Variants in SPIDR observed in about 807,000 individuals in gnomAD.
The protein encoded by SPIDR is DNA repair-scaffolding protein.
Under a neutral mutation model 104.6 loss-of-function variants are expected in SPIDR, and 93 were observed. The observed-to-expected ratio is 0.89, with a 90% CI of 0.75 to 1.06. The LOEUF (loss-of-function observed/expected upper bound fraction) is 1.06. SPIDR is among the 50% of genes least tolerant of loss of function. The probability of loss-of-function intolerance (pLI) is 0.00; values close to 1 mark genes in which losing one functional copy is unlikely to be tolerated. For missense variants in SPIDR, 1,154 were observed against 1,111.2 expected (o/e 1.04, Z -0.55); for synonymous variants, 431 against 416.9 (o/e 1.03, Z -0.41).
At chr8:47,515,887 T>G (rs1239264919) in intron 8 of SPIDR, among the ~76,000 whole-genome samples, 1 of 152,210 alleles carries the variant, frequency 6.6e-6, no homozygotes, top group Non-Finnish European at 1.5e-5. Flanking sequence ...CTTGGCTCAC[T>G]GCAACCTCCA....
intron 10 of SPIDR, among the ~76,000 whole-genome samples, chr8:47,629,384 T>A (rs947947356): frequency 6.6e-6 from 1 of 152,212 alleles, no homozygotes; most frequent in Non-Finnish European, 1.5e-5. Flanking sequence ...TCTGAAAGCA[T>A]CAGTCTGAAA....
intron 10 of SPIDR, among the ~76,000 whole-genome samples, chr8:47,667,437 A>AG (rs907671868): frequency 2.8e-5 from 4 of 143,148 alleles, no homozygotes; most frequent in South Asian, 4.7e-4. Flanking sequence ...TCTCTTCAAA[A>AG]GGGAAAAAAA....
chr8:47,424,447 G>A (rs1554683226), intron 7 of SPIDR, among the ~76,000 whole-genome samples: 1 of 152,068 alleles, frequency 6.6e-6, no homozygotes, highest in African/African-American at 2.4e-5. Flanking sequence ...TGGGACTACA[G>A]TCACATGCCA....
intron 8 of SPIDR, among the ~76,000 whole-genome samples, chr8:47,503,956 A>G (rs531658786): frequency 6.6e-6 from 1 of 152,308 alleles, no homozygotes; most frequent in African/African-American, 2.4e-5. Context: ...AATGTTGAAT[A>G]TTGGCCCCCA....
chr8:47,607,967 C>T (rs1285155696), intron 10 of SPIDR, among the ~76,000 whole-genome samples: 1 of 151,022 alleles, frequency 6.6e-6, no homozygotes, highest in African/African-American at 2.5e-5. Context: ...ACATAATTCA[C>T]ATCCCATAAA....
chr8:47,706,263 G>C (rs1317744088), intron 14 of SPIDR, among the ~76,000 whole-genome samples: 2 of 152,072 alleles, frequency 1.3e-5, no homozygotes, highest in Non-Finnish European at 2.9e-5. Flanking sequence ...CGTGGTGGCA[G>C]GCGCCTGTAG....
chr8:47,402,414 G>A (rs1474703352), intron 6 of SPIDR, among the ~76,000 whole-genome samples: 1 of 152,166 alleles, frequency 6.6e-6, no homozygotes, highest in Admixed American at 6.5e-5. Context: ...GAATCCAGGA[G>A]CTGGTTTTTT....
intron 8 of SPIDR, among the ~76,000 whole-genome samples, chr8:47,515,618 T>C (rs577032829): frequency 6.6e-6 from 1 of 152,342 alleles, no homozygotes; most frequent in South Asian, 2.1e-4. Context: ...GACTTTATTG[T>C]ATTTTGTCTC....
chr8:47,489,432 G>A (rs1554736403), intron 8 of SPIDR, among the ~76,000 whole-genome samples: 4 of 152,292 alleles, frequency 2.6e-5, no homozygotes, highest in Non-Finnish European at 4.4e-5. Flanking sequence ...ACTGCCCAAG[G>A]TAATTTATAG....
At chr8:47,611,192 G>A (rs2063557366) in intron 10 of SPIDR, among the ~76,000 whole-genome samples, 1 of 152,208 alleles carries the variant, frequency 6.6e-6, no homozygotes, top group East Asian at 1.9e-4. Flanking sequence ...AGATTGATGA[G>A]AATGCCAGTG....
At chr8:47,661,989 C>T (rs1050673082) in intron 10 of SPIDR, among the ~76,000 whole-genome samples, 1 of 152,178 alleles carries the variant, frequency 6.6e-6, no homozygotes, top group Non-Finnish European at 1.5e-5. Context: ...CTTGAGCAGC[C>T]TCTGGGTTCT....
chr8:47,552,755 T>C (rs1464734211), intron 8 of SPIDR, among the ~76,000 whole-genome samples: 1 of 152,228 alleles, frequency 6.6e-6, no homozygotes, highest in African/African-American at 2.4e-5. Flanking sequence ...ATTTAGCCCA[T>C]TTACATTTAA....
At chr8:47,415,442 A>G (rs1485573246) in intron 7 of SPIDR, among the ~76,000 whole-genome samples, 1 of 152,102 alleles carries the variant, frequency 6.6e-6, no homozygotes, top group Non-Finnish European at 1.5e-5. Context: ...GTTTTATGTA[A>G]TCTTATCACC....
chr8:47,396,761 G>A (rs1484374285), intron 6 of SPIDR, 135 bp downstream of exon 6: 49 of 919,198 alleles, frequency 5.3e-5, no homozygotes, highest in East Asian at 1.1e-4. Context: ...AATGTTCATC[G>A]AAGTTGAGGG....
chr8:47,321,763 C>T (rs550549360), intron 5 of SPIDR, among the ~76,000 whole-genome samples: 11 of 152,226 alleles, frequency 7.2e-5, no homozygotes, highest in African/African-American at 2.6e-4. Flanking sequence ...AACAATGGAA[C>T]AGAACAGAGC....
chr8:47,317,030 G>T (rs947562909), intron 5 of SPIDR, among the ~76,000 whole-genome samples: 26 of 152,168 alleles, frequency 1.7e-4, no homozygotes, highest in Non-Finnish European at 2.8e-4. Context: ...CTTGAGCGAC[G>T]TAGAAGACGA....
chr8:47,345,915 A>G (rs1187223960), intron 5 of SPIDR, among the ~76,000 whole-genome samples: 1 of 152,158 alleles, frequency 6.6e-6, no homozygotes, highest in Non-Finnish European at 1.5e-5. Flanking sequence ...GCAAACAGGG[A>G]CAGTTTGACT....
At chr8:47,288,732 G>C (rs1176305137) in intron 3 of SPIDR, among the ~76,000 whole-genome samples, 14 of 152,208 alleles carry the variant, frequency 9.2e-5, no homozygotes, top group African/African-American at 3.4e-4. Flanking sequence ...CTTTTATAAC[G>C]TGAACAATAG....
At chr8:47,727,587 G>C (rs1164629576) in intron 17 of SPIDR, among the ~76,000 whole-genome samples, 2 of 152,132 alleles carry the variant, frequency 1.3e-5, no homozygotes, top group Non-Finnish European at 2.9e-5. Flanking sequence ...ACATGAATAA[G>C]TGAAAAAAAC....
Sources: allele counts gnomAD v4.1 joint callset (sites outside exome capture counted in the v4.1 genomes callset), GRCh38; gene constraint gnomAD v4.1.1; transcripts MANE v1.5; gene names NCBI Gene and HGNC (gene_info 2026-07-23, HGNC 2026-07-21).